TMEM114: variants seen among roughly 807,000 people sequenced by gnomAD.
TMEM114 encodes the protein transmembrane protein 114.
TMEM114 carries 6 observed loss-of-function variants against 6.2 expected under a neutral mutation model. The observed-to-expected ratio is 0.97, with a 90% confidence interval of 0.53 to 1.91. The LOEUF is 1.91. TMEM114 is among the 40% of genes most tolerant of loss of function. The pLI is 0.01. For synonymous variants in TMEM114, 104 were observed against 73.0 expected, an observed-to-expected ratio of 1.42 and a Z score of -2.16; for missense variants, 218 against 158.3, an observed-to-expected ratio of 1.38 and a Z score of -2.02.
the TMEM114 span, among the ~76,000 whole-genome samples, chr16:8,527,918 G>A: frequency 2.2e-4 from 33 of 152,166 alleles, no homozygotes; most frequent in African/African-American, 7.7e-4. Flanking sequence ...TTATTTGTTT[G>A]TTTGTTTTAG....
chr16:8,576,385 C>T (rs1004532496), intron 2 of TMEM114, among the ~76,000 whole-genome samples: 1 of 152,210 alleles, frequency 6.6e-6, no homozygotes, highest in African/African-American at 2.4e-5. Flanking sequence ...TGAGACACCC[C>T]ACAGCTCCCC....
chr16:8,572,145 G>A lies in TMEM114; in HGVS notation c.381C>T (p.Ser127=), dbSNP rs1362224146. Reference sequence around the variant, plus strand: ...GGAGGAGGTAGGCTTGGAGGAGGAAGCTCAGAAACCCCGTCATCCCCCCAA... The same window carrying A: ...GGAGGAGGTAGGCTTGGAGGAGGAAACTCAGAAACCCCGTCATCCCCCCAA... The part of the protein sequence containing the change: ...MVFGGMTGFL[S]FLLQAYLLLL... Residue 127 remains serine, a synonymous_variant, in exon 3 of 4, where the codon AGC becomes AGT. Coordinates refer to ENST00000620492, the MANE Select transcript of TMEM114 (RefSeq NM_001146336.2). 6.4e-7 allele frequency: 1 copy of A among 1,551,590 alleles called. No individual in the cohort carries two copies. The highest frequency in any genetic ancestry group is 2.4e-5 in the East Asian group (1 of 40,910).
At chr16:8,571,968 G>C (rs944619747) in intron 3 of TMEM114, 119 bp downstream of exon 3, 18 of 1,253,478 alleles carry the variant, frequency 1.4e-5, no homozygotes, top group Middle Eastern at 2.8e-4. Context: ...TATCCCAGAA[G>C]GGGAAACTGA....
chr16:8,537,077 A>G (rs970128596), downstream of TMEM114, among the ~76,000 whole-genome samples: 1 of 152,136 alleles, frequency 6.6e-6, no homozygotes, highest in African/African-American at 2.4e-5. Flanking sequence ...TTGGTGGTGC[A>G]TACCTGTAGT....
chr16:8,587,937 C>G (rs1902365308), intron 2 of TMEM114, among the ~76,000 whole-genome samples: 2 of 151,750 alleles, frequency 1.3e-5, no homozygotes, highest in Non-Finnish European at 2.9e-5. Context: ...ATCACTTGAC[C>G]CAGGAGTTCA....
At chr16:8,569,275 C>A (rs896026528), downstream of TMEM114, among the ~76,000 whole-genome samples, 4 of 152,142 alleles carry the variant, frequency 2.6e-5, no homozygotes, top group African/African-American at 2.4e-5. Context: ...TATTGTAGAC[C>A]TAACCTGACC....
At chr16:8,564,063 G>C (rs1465022583) in intron 2 of TMEM114, among the ~76,000 whole-genome samples, 1 of 148,176 alleles carries the variant, frequency 6.7e-6, no homozygotes, top group African/African-American at 2.6e-5. Context: ...ATGAGTAAAT[G>C]AGTGAGTGAG....
chr16:8,580,192 G>C (rs985500912), intron 2 of TMEM114, among the ~76,000 whole-genome samples: 1 of 151,990 alleles, frequency 6.6e-6, no homozygotes, highest in Non-Finnish European at 1.5e-5. Context: ...ATTCTTCTTA[G>C]AAAAAATTAA....
intron 2 of TMEM114, among the ~76,000 whole-genome samples, chr16:8,564,039 GAATGAGTGAGTGAATGAGTA>G (rs1466897750): frequency 1.3e-5 from 2 of 151,232 alleles, no homozygotes; most frequent in African/African-American, 4.9e-5. Flanking sequence ...ATGAGTGACT[GAATGAGTGAGTGAATGAGTA>G]AATGAGTGAG....
rs147588456 is a variant in TMEM114 at position 8,541,805 on chromosome 16, C to T, written n.213-3979G>A. Reference sequence around the variant, plus strand: ...GTATGGGGTTACTTGGCAGAGGGTTCCACTTGGGAACTGGGAAGATTCTAG... The same window carrying T: ...GTATGGGGTTACTTGGCAGAGGGTTTCACTTGGGAACTGGGAAGATTCTAG... On this transcript the variant is annotated intron_variant and non_coding_transcript_variant, in intron 2 of 2. Transcript: ENST00000623677. Among the ~76,000 whole-genome samples the T allele has an allele frequency of 2.0e-3, 304 of 152,238 alleles. 2 individuals are homozygous for T. Among genetic ancestry groups the T allele is most frequent in the African/African-American group, 6.9e-3 (286 of 41,538 alleles).
rs924781185 is a variant in TMEM114 at position 8,590,481 on chromosome 16, C to A, written c.-643G>T. On this transcript the variant is annotated 5_prime_UTR_variant, in exon 1 of 4. Transcript: ENST00000620492. ...GCCGGGGCGCAGCTGACCCTCTGAG[C>A]CCTCCTCCTCGCCGAGGAAAAGCTC... Among the ~76,000 whole-genome samples, 8 of 152,192 alleles carry A rather than the reference C, an allele frequency of 5.3e-5. No homozygotes were observed. The highest frequency in any genetic ancestry group is 1.7e-4 in the African/African-American group (7 of 41,434).
At chr16:8,545,485 C>T (rs945377395) in intron 2 of TMEM114, among the ~76,000 whole-genome samples, 5 of 152,170 alleles carry the variant, frequency 3.3e-5, no homozygotes, top group African/African-American at 1.2e-4. Context: ...CCATCATCAT[C>T]ACCTATTGCT....
chr16:8,532,752 G>A (rs564037440), downstream of TMEM114, among the ~76,000 whole-genome samples: 6 of 152,022 alleles, frequency 3.9e-5, no homozygotes, highest in South Asian at 2.1e-4. Context: ...GTGAAACCCC[G>A]TCTCTACTAA....
intron 2 of TMEM114, among the ~76,000 whole-genome samples, chr16:8,550,601 C>A (rs969294045): frequency 6.6e-6 from 1 of 151,896 alleles, no homozygotes; most frequent in African/African-American, 2.4e-5. Context: ...TTGCTTGAAC[C>A]CTGGAGGCAG....
chr16:8,562,066 A>AAATGAGTGAGTGAATG (rs1206185780), intron 2 of TMEM114, among the ~76,000 whole-genome samples: 1 of 134,274 alleles, frequency 7.4e-6, no homozygotes, highest in African/African-American at 2.8e-5. Flanking sequence ...ATGAGTGAGT[A>AAATGAGTGAGTGAATG]AATGAGTGAG....
chr16:8,568,940 T>C (rs949606482), downstream of TMEM114, among the ~76,000 whole-genome samples: 4 of 152,222 alleles, frequency 2.6e-5, no homozygotes, highest in Non-Finnish European at 5.9e-5. Context: ...TCGGCATTTA[T>C]GCAAACAGTG....
At chr16:8,552,763 C>T (rs1389238101) in intron 2 of TMEM114, among the ~76,000 whole-genome samples, 1 of 151,856 alleles carries the variant, frequency 6.6e-6, no homozygotes, top group African/African-American at 2.4e-5. Context: ...CCTGAATTCT[C>T]TAACTCAGGG....
intron 2 of TMEM114, among the ~76,000 whole-genome samples, chr16:8,548,759 C>G (rs952542972): frequency 8.7e-5 from 13 of 148,834 alleles, no homozygotes; most frequent in African/African-American, 3.0e-4. Context: ...CTTTAACTGA[C>G]AGAAATGACC....
intron 2 of TMEM114, among the ~76,000 whole-genome samples, chr16:8,578,733 C>G (rs1902029616): frequency 6.6e-6 from 1 of 152,124 alleles, no homozygotes; most frequent in Non-Finnish European, 1.5e-5. Context: ...AATCCCGGCA[C>G]TTTGAGAGGC....
Sources: allele counts gnomAD v4.1 joint callset (sites outside exome capture counted in the v4.1 genomes callset), GRCh38; gene constraint gnomAD v4.1.1; transcripts MANE v1.5; gene names NCBI Gene and HGNC (gene_info 2026-07-23, HGNC 2026-07-21).